CTNNA3: variants seen among roughly 807,000 people sequenced by gnomAD.
CTNNA3 encodes the protein catenin alpha-3.
A neutral mutation model predicts 95.7 loss-of-function variants in CTNNA3; 76 were observed. The ratio of observed to expected loss-of-function variants is 0.79; its 90% CI spans 0.66 to 0.96. The LOEUF (loss-of-function observed/expected upper bound fraction) is 0.96, where lower values mean the gene tolerates loss of function less well. Among genes scored for constraint, CTNNA3 ranks in the 40% least tolerant of loss-of-function variants. The pLI is 0.00. For missense variants in CTNNA3, 1,191 were observed against 1,089.8 expected (o/e 1.09, Z -1.31); for synonymous variants, 431 against 374.4 (o/e 1.15, Z -1.74).
intron 1 of CTNNA3, among the ~76,000 whole-genome samples, chr10:67,715,607 G>A (rs1841138039): frequency 6.6e-6 from 1 of 152,120 alleles, no homozygotes; most frequent in East Asian, 1.9e-4. Context: ...ACGGTGTGAT[G>A]ATTCCCTATT....
intron 5 of CTNNA3, among the ~76,000 whole-genome samples, chr10:67,248,416 G>GT (rs1865984751): frequency 6.6e-6 from 1 of 152,004 alleles, no homozygotes; most frequent in African/African-American, 2.4e-5. Context: ...TTTTGTTTTT[G>GT]TTTTGTTTGT....
intron 12 of CTNNA3, among the ~76,000 whole-genome samples, chr10:66,330,946 C>A (rs1223449168): frequency 6.6e-6 from 1 of 151,776 alleles, no homozygotes; most frequent in African/African-American, 2.4e-5. Context: ...AATTTGAGTT[C>A]TTTGAAGATT....
intron 15 of CTNNA3, among the ~76,000 whole-genome samples, chr10:66,035,085 T>C (rs2133470726): frequency 6.6e-6 from 1 of 152,260 alleles, no homozygotes; most frequent in South Asian, 2.1e-4. Flanking sequence ...CCAAATATTT[T>C]TCCTTCCTTT....
At chr10:66,965,549 G>GA (rs386371673) in intron 7 of CTNNA3, among the ~76,000 whole-genome samples, 62,985 of 119,908 alleles carry the variant, frequency 0.53, 14,807 homozygotes, top group East Asian at 0.64. Context: ...AGAAAGAAAA[G>GA]AAAAAAAAAA....
intron 1 of CTNNA3, among the ~76,000 whole-genome samples, chr10:67,721,521 T>A (rs1841179871): frequency 6.6e-6 from 1 of 152,288 alleles, no homozygotes; most frequent in African/African-American, 2.4e-5. Context: ...TCATTTATGT[T>A]CTTCTCTAAA....
intron 2 of CTNNA3, among the ~76,000 whole-genome samples, chr10:67,629,186 C>T (rs1839057073): frequency 6.6e-6 from 1 of 151,960 alleles, no homozygotes; most frequent in Non-Finnish European, 1.5e-5. Context: ...TTTTTAAAGG[C>T]TACAATTCCC....
chr10:67,559,601 A>C (rs1369027990), intron 3 of CTNNA3, among the ~76,000 whole-genome samples: 1 of 152,232 alleles, frequency 6.6e-6, no homozygotes, highest in Non-Finnish European at 1.5e-5. Flanking sequence ...CTCCAAAGGA[A>C]CACAGCTCCT....
At chr10:65,954,039 C>T (rs1753853421) in intron 17 of CTNNA3, among the ~76,000 whole-genome samples, 1 of 152,180 alleles carries the variant, frequency 6.6e-6, no homozygotes, top group South Asian at 2.1e-4. Context: ...ACATCCTCTC[C>T]AGCACCTGTT....
chr10:66,587,209 C>T (rs569571533), intron 10 of CTNNA3, among the ~76,000 whole-genome samples: 1 of 152,256 alleles, frequency 6.6e-6, no homozygotes, highest in African/African-American at 2.4e-5. Flanking sequence ...TCCTATTTAG[C>T]TAAGGTAATA....
chr10:67,473,431 A>G (rs929076502), intron 5 of CTNNA3, among the ~76,000 whole-genome samples: 14 of 152,230 alleles, frequency 9.2e-5, no homozygotes, highest in Admixed American at 6.5e-4. Context: ...TGTACTAAAT[A>G]TTAGCGATAA....
chr10:67,120,065 T>C (rs1440845553), intron 7 of CTNNA3, among the ~76,000 whole-genome samples: 1 of 151,878 alleles, frequency 6.6e-6, no homozygotes, highest in Non-Finnish European at 1.5e-5. Flanking sequence ...AACTATGAAA[T>C]AGCACACAAG....
At chr10:66,633,452 G>A (rs959368007) in intron 9 of CTNNA3, among the ~76,000 whole-genome samples, 6 of 152,180 alleles carry the variant, frequency 3.9e-5, no homozygotes, top group South Asian at 2.1e-4. Context: ...AGGCCAAGGC[G>A]GGCAGATCAC....
At chr10:67,236,518 G>C (rs1865465978) in intron 5 of CTNNA3, among the ~76,000 whole-genome samples, 2 of 145,900 alleles carry the variant, frequency 1.4e-5, no homozygotes, top group South Asian at 2.1e-4. Context: ...TTGTGGGGTG[G>C]GGGGGGTGGG....
intron 5 of CTNNA3, among the ~76,000 whole-genome samples, chr10:67,324,881 T>A (rs1319153624): frequency 6.6e-6 from 1 of 152,148 alleles, no homozygotes; most frequent in Non-Finnish European, 1.5e-5. Context: ...TTGGCTTTTT[T>A]GATTGATAGG....
chr10:66,331,910 G>A (rs1227405843), intron 12 of CTNNA3, among the ~76,000 whole-genome samples: 3 of 151,900 alleles, frequency 2.0e-5, no homozygotes, highest in East Asian at 3.9e-4. Context: ...CCATTTTCAC[G>A]ATATTGATTC....
At chr10:66,806,554 C>T (rs924591842) in intron 7 of CTNNA3, among the ~76,000 whole-genome samples, 1 of 151,796 alleles carries the variant, frequency 6.6e-6, no homozygotes, top group Admixed American at 6.6e-5. Flanking sequence ...TTATAAGGAA[C>T]GAAAGTGGGT....
intron 5 of CTNNA3, among the ~76,000 whole-genome samples, chr10:67,482,921 C>G (rs1165641325): frequency 6.6e-6 from 1 of 151,934 alleles, no homozygotes; most frequent in African/African-American, 2.4e-5. Context: ...GAGATACGTC[C>G]CATCAATAAA....
At chr10:66,589,021 G>T (rs1728802389) in intron 10 of CTNNA3, among the ~76,000 whole-genome samples, 2 of 152,032 alleles carry the variant, frequency 1.3e-5, no homozygotes, top group Admixed American at 1.3e-4. Flanking sequence ...TCAGGTAACA[G>T]AAAAATTCTA....
At chr10:67,392,213 AAAAC>A (rs1183484407) in intron 5 of CTNNA3, among the ~76,000 whole-genome samples, 12 of 152,164 alleles carry the variant, frequency 7.9e-5, no homozygotes, top group African/African-American at 1.7e-4. Context: ...TTACAAGAAA[AAAAC>A]AAACAACCCC....
Sources: gnomAD v4.1 joint callset for allele counts (sites outside exome capture counted in the v4.1 genomes callset) on GRCh38, gnomAD v4.1.1 for gene constraint, MANE v1.5 for transcripts, NCBI Gene and HGNC (gene_info 2026-07-23, HGNC 2026-07-21) for gene names.